The following TANC2 variants were observed in gnomAD, a reference collection of about 807,000 sequenced individuals.
The protein encoded by TANC2 is protein TANC2.
In TANC2, 26 loss-of-function variants were observed where a neutral mutation model predicts 210.5. The ratio of observed to expected loss-of-function variants is 0.12; its 90% CI spans 0.09 to 0.17. The LOEUF is 0.17. TANC2 is among the 10% of genes least tolerant of loss of function. TANC2 has a pLI of 1.00. For missense variants in TANC2, 2,129 were observed against 2,608.9 expected, an observed-to-expected ratio of 0.82 and a Z score of 4.01; for synonymous variants, 931 against 967.1, an observed-to-expected ratio of 0.96 and a Z score of 0.69.
At chr17:63,341,304 A>G (rs561896224) in intron 12 of TANC2, among the ~76,000 whole-genome samples, 8 of 152,248 alleles carry the variant, frequency 5.3e-5, no homozygotes, top group Admixed American at 1.3e-4. Flanking sequence ...CTTTTTAAAC[A>G]TTGCCGTTTC....
At chr17:63,148,821 A>C (rs1459271224) in intron 4 of TANC2, 1 of 152,158 alleles carries the variant, frequency 6.6e-6, no homozygotes, top group Admixed American at 6.6e-5. Flanking sequence ...GTAAAACATT[A>C]TGCCCCATCT....
chr17:63,069,201 G>T (rs1038385234), intron 2 of TANC2, among the ~76,000 whole-genome samples: 19 of 151,934 alleles, frequency 1.3e-4, no homozygotes, highest in African/African-American at 4.6e-4. Flanking sequence ...ATATAATTTT[G>T]ATAATTATGA....
At chr17:63,213,699 C>T (rs1365683688) in intron 7 of TANC2, among the ~76,000 whole-genome samples, 2 of 152,012 alleles carry the variant, frequency 1.3e-5, no homozygotes, top group Non-Finnish European at 2.9e-5. Context: ...TATTTGGTGG[C>T]AAAAAGTTTA....
In TANC2 at chr17:63,421,635, C is replaced by G. The variant is rs772347529; in HGVS notation, c.5905C>G (p.Leu1969Val). 6.2e-7 allele frequency: 1 copy of G among 1,613,950 alleles called. No homozygotes were observed. Among genetic ancestry groups the G allele is most frequent in the Non-Finnish European group, 8.5e-7 (1 of 1,179,900 alleles). Residue 1969 changes from leucine to valine, a missense_variant, in exon 28 of 28, where the codon CTG becomes GTG. Around this residue, in one of 5 missense-constraint regions of TANC2, gnomAD observed 161 missense variants for 178.6 expected, o/e 0.90. Transcript: ENST00000689528. The surrounding 1 kb of genome is among the most constrained non-coding windows in gnomAD (Gnocchi z 6.9). ...CCTCAGTCCCACGTCTCCAGGCAAC[C>G]TGCCTCAGCCTGAGTCCTTCAGTCC...
At chr17:63,269,231 G>A (rs188922612) in intron 9 of TANC2, among the ~76,000 whole-genome samples, 32 of 152,132 alleles carry the variant, frequency 2.1e-4, no homozygotes, top group Non-Finnish European at 4.1e-4. Context: ...CATACTTTTA[G>A]TTCCCAGTCC....
In TANC2 at chr17:63,188,870, C is replaced by T. The variant is rs369942808; in HGVS notation, c.434-5121C>T. Among the ~76,000 whole-genome samples, 14 of 151,822 alleles carry T rather than the reference C, an allele frequency of 9.2e-5. No homozygotes were observed. In the South Asian group the frequency reaches 2.7e-3, roughly 29 times the overall value. On this transcript the variant is annotated intron_variant, in intron 5 of 27. Transcript: ENST00000689528. ...ATTTACAGACTTGTGTAACTATCACCACTAATTTTAGAGCATTTTTATCAC... is the reference window on the plus strand; with the variant it reads ...ATTTACAGACTTGTGTAACTATCACTACTAATTTTAGAGCATTTTTATCAC...
chr17:62,968,408 C>T (rs1461023417), intron 1 of TANC2: 1 of 152,166 alleles, frequency 6.6e-6, no homozygotes, highest in African/African-American at 2.4e-5. Context: ...CCAAATTCAG[C>T]CATTGAGGGA....
At chr17:63,419,924 C>G in intron 27 of TANC2, 75 bp from the exon 28 acceptor site, 2 of 1,449,434 alleles carry the variant, frequency 1.4e-6, no homozygotes, top group Non-Finnish European at 1.8e-6. Flanking sequence ...GAGATAGTGA[C>G]CATGTTCTCA....
intron 9 of TANC2, among the ~76,000 whole-genome samples, chr17:63,275,103 G>T (rs988512707): frequency 6.6e-6 from 1 of 152,142 alleles, no homozygotes; most frequent in Non-Finnish European, 1.5e-5. Context: ...ACTTTGAATG[G>T]TAGCTACGTG....
At chr17:63,032,061 G>T (rs543745914) in intron 2 of TANC2, among the ~76,000 whole-genome samples, 1 of 152,220 alleles carries the variant, frequency 6.6e-6, no homozygotes, top group South Asian at 2.1e-4. Context: ...GTACTGTGGT[G>T]GTTCACTCCC....
chr17:63,011,123 C>T (rs1015218910), intron 2 of TANC2, among the ~76,000 whole-genome samples: 17 of 152,036 alleles, frequency 1.1e-4, no homozygotes, highest in African/African-American at 2.7e-4. Flanking sequence ...TCATTCGTCT[C>T]GTTAGCATAT....
In TANC2 at chr17:63,044,723, TC is replaced by T. The variant is rs959574142; in HGVS notation, c.68-29218del. On this transcript the variant is annotated intron_variant, in intron 2 of 27. Coordinates refer to ENST00000689528, the Ensembl canonical transcript of TANC2. ...GAAGTGTCTGAGAGTTTTTTCTTTTTCCTATCCAGTAGTCATATGGTCAGAT... is the reference window on the plus strand; with the variant it reads ...GAAGTGTCTGAGAGTTTTTTCTTTTTCTATCCAGTAGTCATATGGTCAGAT... Among the ~76,000 whole-genome samples, 26 of 152,298 alleles carry T rather than the reference TC, an allele frequency of 1.7e-4. 1 individual carries two copies. Among genetic ancestry groups the T allele is most frequent in the Admixed American group, 5.2e-4 (8 of 15,290 alleles).
In TANC2 at chr17:62,978,239, A is replaced by G. The variant is rs2032122477; in HGVS notation, c.-24+11490A>G. On this transcript the variant is annotated intron_variant, in intron 1 of 27. Transcript: ENST00000689528. ...AAGGTAATACACTATGATCAAGTAG[A>G]GTTTATTGCAGGAAGGCAAGGGCAT... Among the ~76,000 whole-genome samples, 3 of 152,220 alleles carry G rather than the reference A, an allele frequency of 2.0e-5. No individual in the cohort carries two copies. The South Asian group carries it at 6.2e-4, about 31-fold the overall frequency.
At chr17:62,974,823 A>G (rs570649514) in intron 1 of TANC2, among the ~76,000 whole-genome samples, 2 of 152,342 alleles carry the variant, frequency 1.3e-5, no homozygotes, top group East Asian at 3.9e-4. Context: ...GCAGTGATTG[A>G]TATATTCCTT....
intron 8 of TANC2, among the ~76,000 whole-genome samples, chr17:63,245,695 A>G (rs2042896020): frequency 6.6e-6 from 1 of 152,002 alleles, no homozygotes; most frequent in Non-Finnish European, 1.5e-5. Context: ...ACAAAAACTT[A>G]GCTGGGCGTG....
At chr17:63,160,825 T>C (rs1015401850) in intron 5 of TANC2, among the ~76,000 whole-genome samples, 1 of 152,220 alleles carries the variant, frequency 6.6e-6, no homozygotes, top group Admixed American at 6.5e-5. Context: ...TGCTTTTGGC[T>C]TTTTTAAAAT....
At chr17:62,973,503 A>C (rs960736502) in intron 1 of TANC2, among the ~76,000 whole-genome samples, 2 of 152,154 alleles carry the variant, frequency 1.3e-5, no homozygotes, top group Non-Finnish European at 2.9e-5. Context: ...ATGCCTTTGA[A>C]ACCTCATCTC....
At chr17:63,012,484 T>C (rs2033917185) in intron 2 of TANC2, among the ~76,000 whole-genome samples, 1 of 152,210 alleles carries the variant, frequency 6.6e-6, no homozygotes, top group Non-Finnish European at 1.5e-5. Context: ...ATGCAAGAGC[T>C]TTAGATTCTC....
intron 9 of TANC2, among the ~76,000 whole-genome samples, chr17:63,310,554 T>C (rs974227691): frequency 2.6e-5 from 4 of 152,176 alleles, no homozygotes; most frequent in Non-Finnish European, 5.9e-5. Flanking sequence ...AAGATTAATG[T>C]CCTCAGGGTT....
Sources: allele counts gnomAD v4.1 joint callset (sites outside exome capture counted in the v4.1 genomes callset), GRCh38; gene constraint gnomAD v4.1.1; regional missense constraint gnomAD v4.1.1; non-coding constraint Gnocchi (gnomAD v3.1); transcripts MANE v1.5; gene names NCBI Gene and HGNC (gene_info 2026-07-23, HGNC 2026-07-21).